The following GALNT2 variants were observed in gnomAD, a reference collection of about 807,000 sequenced individuals.
GALNT2 encodes the protein UDP-GalNAc:polypeptide N-acetylgalactosaminyltransferase 2.
Under a neutral mutation model 81.4 loss-of-function variants are expected in GALNT2, and 31 were observed. That is an observed-to-expected ratio of 0.38 (90% CI 0.29 to 0.51). The LOEUF is 0.51. GALNT2 is among the 20% of genes least tolerant of loss of function. The pLI is 0.87. For synonymous variants in GALNT2, 303 were observed against 287.4 expected, an observed-to-expected ratio of 1.05 and a Z score of -0.55; for missense variants, 629 against 765.7, an observed-to-expected ratio of 0.82 and a Z score of 2.11.
chr1:230,141,788 C>CTTTTTTTTTT (rs60824749), intron 1 of GALNT2, among the ~76,000 whole-genome samples: 5 of 101,324 alleles, frequency 4.9e-5, no homozygotes, highest in East Asian at 3.3e-4. Flanking sequence ...TTTTGTTTTC[C>CTTTTTTTTTT]TTTTTTTTTT....
chr1:230,246,542 C>A (rs1297127903), intron 8 of GALNT2, among the ~76,000 whole-genome samples: 1 of 152,184 alleles, frequency 6.6e-6, no homozygotes, highest in Non-Finnish European at 1.5e-5. Flanking sequence ...GCCTTCTCTG[C>A]TCACCCTGGC....
chr1:230,080,711 G>A (rs1659700513), intron 1 of GALNT2, among the ~76,000 whole-genome samples: 1 of 152,168 alleles, frequency 6.6e-6, no homozygotes, highest in Admixed American at 6.5e-5. Flanking sequence ...CAGACTCTGG[G>A]TGTGCATTCT....
At chr1:230,173,112 A>T (rs1572047891) in intron 1 of GALNT2, among the ~76,000 whole-genome samples, 1 of 152,368 alleles carries the variant, frequency 6.6e-6, no homozygotes, top group Middle Eastern at 3.4e-3. Flanking sequence ...AACAATAATC[A>T]CTACCATCTG....
At chr1:230,061,046 C>G (rs1474864982) in intron 1 of GALNT2, among the ~76,000 whole-genome samples, 1 of 152,138 alleles carries the variant, frequency 6.6e-6, no homozygotes, top group Non-Finnish European at 1.5e-5. Context: ...TGAACTCTTA[C>G]AGTGGAGAAT....
chr1:230,107,008 G>T (rs4412597), intron 1 of GALNT2, among the ~76,000 whole-genome samples: 1 of 152,006 alleles, frequency 6.6e-6, no homozygotes, highest in East Asian at 1.9e-4. Context: ...CCCGAGTCCC[G>T]GGGCTGGACA....
In GALNT2 at chr1:230,243,420, T is replaced by C; in HGVS notation, c.722T>C (p.Val241Ala). Residue 241 changes from valine to alanine, a missense_variant, in exon 7 of 16, where the codon GTG becomes GCG. Physicochemically the swap from Val to Ala is moderately conservative, Grantham distance 64. This residue lies in a region of GALNT2 where 360 missense variants were observed against 492.8 expected (regional missense o/e 0.73). Coordinates refer to ENST00000366672, the MANE Select transcript of GALNT2 (RefSeq NM_004481.5). This position sits in a 1 kb window ranked among gnomAD's most constrained non-coding sequence, Gnocchi z 4.2. Reference sequence around the variant, plus strand: ...TGGCTGGAGCCCCTCCTGGAAAGGGTGGCGGAGGTGAGATGACGGGGGCTG... The same window carrying C: ...TGGCTGGAGCCCCTCCTGGAAAGGGCGGCGGAGGTGAGATGACGGGGGCTG... ...EHWLEPLLER[V>A]AEDRTRVVSP... The C allele has an allele frequency of 6.2e-7, 1 of 1,610,382 alleles. No individual in the cohort carries two copies. The highest frequency in any genetic ancestry group is 8.5e-7 in the Non-Finnish European group (1 of 1,179,464).
chr1:230,190,335 G>A (rs1419519605), intron 2 of GALNT2, among the ~76,000 whole-genome samples: 2 of 152,192 alleles, frequency 1.3e-5, no homozygotes, highest in East Asian at 1.9e-4. Flanking sequence ...GAGACGAAGG[G>A]GTCTCCTCTG....
chr1:230,244,408 A>G (rs1382039348), intron 7 of GALNT2, among the ~76,000 whole-genome samples: 4 of 152,056 alleles, frequency 2.6e-5, no homozygotes, highest in Non-Finnish European at 5.9e-5. Flanking sequence ...TTAAATCCCT[A>G]TCTGAGCCCC....
At chr1:230,167,821 C>T (rs1444730948) in intron 1 of GALNT2, among the ~76,000 whole-genome samples, 3 of 152,202 alleles carry the variant, frequency 2.0e-5, no homozygotes, top group Non-Finnish European at 4.4e-5. Flanking sequence ...CCTTGGGCCC[C>T]GCTCATCACC....
At chr1:230,185,808 C>A (rs1370704296) in intron 2 of GALNT2, among the ~76,000 whole-genome samples, 1 of 152,246 alleles carries the variant, frequency 6.6e-6, no homozygotes, top group Non-Finnish European at 1.5e-5. Flanking sequence ...ATAGCTGCCA[C>A]ACCCCCATGA....
chr1:230,210,179 A>G (rs528016827), intron 3 of GALNT2, among the ~76,000 whole-genome samples: 31 of 152,380 alleles, frequency 2.0e-4, no homozygotes, highest in Admixed American at 1.7e-3. Flanking sequence ...TGATAAGAAA[A>G]TAAAGTAGAG....
intron 2 of GALNT2, among the ~76,000 whole-genome samples, chr1:230,194,321 C>T (rs1016312745): frequency 1.3e-5 from 2 of 152,210 alleles, no homozygotes; most frequent in Non-Finnish European, 2.9e-5. Flanking sequence ...GGGATGCGTC[C>T]TGCAGAATGG....
chr1:230,144,225 A>G (rs1283371659), intron 1 of GALNT2, among the ~76,000 whole-genome samples: 1 of 152,210 alleles, frequency 6.6e-6, no homozygotes. Flanking sequence ...CCCTGTATCT[A>G]GAGTGACCAT....
chr1:230,099,523 A>G (rs1296370264), intron 1 of GALNT2, among the ~76,000 whole-genome samples: 2 of 151,938 alleles, frequency 1.3e-5, no homozygotes, highest in Non-Finnish European at 2.9e-5. Flanking sequence ...AAAGCTCTCC[A>G]CCTGTCCCAA....
chr1:230,151,759 G>T (rs537164102), intron 1 of GALNT2, among the ~76,000 whole-genome samples: 5 of 126,456 alleles, frequency 4.0e-5, no homozygotes, highest in Non-Finnish European at 6.7e-5. Flanking sequence ...TTCAGAGCAA[G>T]TCCGTAGTGC....
chr1:230,254,257 C>T (rs1665637409), intron 10 of GALNT2, among the ~76,000 whole-genome samples: 1 of 152,174 alleles, frequency 6.6e-6, no homozygotes. Context: ...ACAAAAGGCA[C>T]ACCAGTCAGT....
At chr1:230,124,233 A>G (rs1661106581) in intron 1 of GALNT2, among the ~76,000 whole-genome samples, 1 of 152,204 alleles carries the variant, frequency 6.6e-6, no homozygotes, top group Non-Finnish European at 1.5e-5. Flanking sequence ...GGTTAATTTT[A>G]TTATTTTCTT....
At chr1:230,115,297 C>T (rs1326500489) in intron 1 of GALNT2, among the ~76,000 whole-genome samples, 1 of 152,154 alleles carries the variant, frequency 6.6e-6, no homozygotes, top group East Asian at 1.9e-4. Context: ...TTCACTCTTG[C>T]TTTTGTACAT....
chr1:230,164,618 C>T (rs866645863), intron 1 of GALNT2, among the ~76,000 whole-genome samples: 31 of 151,918 alleles, frequency 2.0e-4, no homozygotes, highest in African/African-American at 7.3e-4. Flanking sequence ...ACTGTAACCT[C>T]TGCCTCCCAG....
Sources: gnomAD v4.1 joint callset for allele counts (sites outside exome capture counted in the v4.1 genomes callset) on GRCh38, gnomAD v4.1.1 for gene constraint, gnomAD v4.1.1 regional missense constraint, Gnocchi (gnomAD v3.1) non-coding constraint, MANE v1.5 for transcripts, NCBI Gene and HGNC (gene_info 2026-07-23, HGNC 2026-07-21) for gene names.